Variants in PIGU observed in about 807,000 individuals in gnomAD.
The protein encoded by PIGU is GPI-anchor transamidase component PIGU.
Under a neutral mutation model 49.9 loss-of-function variants are expected in PIGU, and 24 were observed. The observed-to-expected ratio is 0.48, with a 90% CI of 0.35 to 0.68. The LOEUF (loss-of-function observed/expected upper bound fraction) is 0.68. Ranked by LOEUF, PIGU falls within the 30% of genes least tolerant of loss-of-function variation. The pLI, the probability that PIGU is intolerant of heterozygous loss-of-function variation, is 0.01. For synonymous variants in PIGU, 220 were observed against 205.7 expected (o/e 1.07, Z -0.59); for missense variants, 490 against 532.6 (o/e 0.92, Z 0.79).
At chr20:34,653,404 A>C (rs1433960872) in intron 2 of PIGU, among the ~76,000 whole-genome samples, 1 of 152,212 alleles carries the variant, frequency 6.6e-6, no homozygotes, top group Non-Finnish European at 1.5e-5. Context: ...CAGTCTTCAT[A>C]TATTTTGAAG....
chr20:34,592,078 A>C (rs1259718907), intron 7 of PIGU, among the ~76,000 whole-genome samples: 2 of 151,538 alleles, frequency 1.3e-5, no homozygotes, highest in Non-Finnish European at 2.9e-5. Context: ...AGTCCCAGCT[A>C]CTCGGGAGGC....
Position 34,581,691 on chromosome 20 carries a change from AAGAG to A in PIGU, c.927-23_927-20del, listed in dbSNP as rs11467128. The A allele has an allele frequency of 0.34, 554,253 of 1,606,940 alleles. 99,550 individuals carry two copies. The highest frequency in any genetic ancestry group is 0.63 in the Admixed American group (37,557 of 59,620). The stretch of plus-strand genomic sequence containing the variant: ...GTGCTCCCTGGGGCAGGGCAGGGGA[AAGAG>A]AGAGAGAGATGAGTCAGGGACCAGG... On this transcript the variant is annotated intron_variant, in intron 9 of 11. Transcript: ENST00000217446.
chr20:34,645,617 C>T (rs926760620), intron 2 of PIGU, among the ~76,000 whole-genome samples: 2 of 152,112 alleles, frequency 1.3e-5, no homozygotes, highest in African/African-American at 4.8e-5. Flanking sequence ...ACACACTGGC[C>T]AGGTGCGGTG....
intron 4 of PIGU, among the ~76,000 whole-genome samples, chr20:34,642,851 G>A (rs1056739965): frequency 5.4e-5 from 8 of 147,274 alleles, no homozygotes; most frequent in Admixed American, 4.9e-4. Flanking sequence ...TCCACCACCT[G>A]GGTTCAATTG....
intron 6 of PIGU, among the ~76,000 whole-genome samples, chr20:34,626,765 A>G (rs977666694): frequency 2.0e-5 from 3 of 152,148 alleles, no homozygotes; most frequent in African/African-American, 7.2e-5. Flanking sequence ...AAGCTTTCAA[A>G]AGTTTTTAAA....
At chr20:34,561,362 A>T (rs1486041601) in intron 11 of PIGU, among the ~76,000 whole-genome samples, 1 of 152,012 alleles carries the variant, frequency 6.6e-6, no homozygotes, top group African/African-American at 2.4e-5. Flanking sequence ...CCCACTCAGC[A>T]TCCATGCCCC....
At chr20:34,591,210 C>T (rs1036684879) in intron 7 of PIGU, among the ~76,000 whole-genome samples, 24 of 151,892 alleles carry the variant, frequency 1.6e-4, no homozygotes, top group African/African-American at 5.3e-4. Flanking sequence ...TGATAAAAGG[C>T]TCCATTCATT....
chr20:34,646,393 G>A (rs1986344304), intron 2 of PIGU, among the ~76,000 whole-genome samples: 1 of 152,072 alleles, frequency 6.6e-6, no homozygotes, highest in Non-Finnish European at 1.5e-5. Flanking sequence ...GGCTTTAGCT[G>A]TATCACACGA....
chr20:34,580,261 G>A (rs1983403703), intron 10 of PIGU, among the ~76,000 whole-genome samples: 1 of 152,250 alleles, frequency 6.6e-6, no homozygotes, highest in South Asian at 2.1e-4. Context: ...GGGGCCCCAA[G>A]CTGACTCTCA....
chr20:34,631,015 C>A (rs1985687168), intron 6 of PIGU, among the ~76,000 whole-genome samples: 1 of 150,990 alleles, frequency 6.6e-6, no homozygotes, highest in African/African-American at 2.4e-5. Context: ...AGAAATCCTC[C>A]CAAAACAAAC....
intron 7 of PIGU, among the ~76,000 whole-genome samples, chr20:34,589,566 T>G (rs1368811188): frequency 2.0e-5 from 3 of 151,574 alleles, no homozygotes; most frequent in Non-Finnish European, 4.4e-5. Flanking sequence ...TTGGCCAGGA[T>G]GGTCTCCATC....
At chr20:34,594,867 C>T (rs1176252165) in intron 7 of PIGU, among the ~76,000 whole-genome samples, 5 of 151,770 alleles carry the variant, frequency 3.3e-5, no homozygotes, top group East Asian at 1.9e-4. Context: ...CTGAGGCAAG[C>T]GGATCACGAG....
Position 34,633,902 on chromosome 20 carries a change from G to A in PIGU, c.529+713C>T, listed in dbSNP as rs192102685. On this transcript the variant is annotated intron_variant, in intron 6 of 11. Transcript: ENST00000217446. ...AAATCTTTATCACTGTCCATGATGGGAGTGCAACAAATAATGTCTAAAATT... is the reference window on the plus strand; with the variant it reads ...AAATCTTTATCACTGTCCATGATGGAAGTGCAACAAATAATGTCTAAAATT... Among the ~76,000 whole-genome samples, 506 of 152,164 alleles carry A rather than the reference G, an allele frequency of 3.3e-3. 4 individuals are homozygous for A. Among genetic ancestry groups the A allele is most frequent in the South Asian group, 0.011 (54 of 4,814 alleles).
chr20:34,577,176 G>A lies in PIGU; in HGVS notation c.1052-1930C>T, dbSNP rs1983270347. On this transcript the variant is annotated intron_variant, in intron 10 of 11. Transcript: ENST00000217446. ...AATTAAAAGAATACCTTTTTAAAAA[G>A]AACTTAGCACTGTGCCTGGTTCCCA... Among the ~76,000 whole-genome samples the A allele has an allele frequency of 1.3e-5, 2 of 152,122 alleles. 1 individual carries two copies. The highest frequency in any genetic ancestry group is 4.1e-4 in the South Asian group (2 of 4,826).
chr20:34,642,408 C>T lies in PIGU; in HGVS notation c.318+1756G>A, dbSNP rs6059960. Among the ~76,000 whole-genome samples, 626 of 151,884 alleles carry T rather than the reference C, an allele frequency of 4.1e-3. 14 individuals are homozygous for T. The highest frequency in any genetic ancestry group is 0.014 in the African/African-American group (565 of 41,410). On this transcript the variant is annotated intron_variant, in intron 4 of 11. Coordinates refer to ENST00000217446, the MANE Select transcript of PIGU (RefSeq NM_080476.5). ...AAAGAATTTTTTGTAGAGACAGGGT[C>T]CCACTATATTGCCCAGGCTGGTCTT...
Position 34,634,695 on chromosome 20 carries a change from G to GT in PIGU, c.448dup (p.Thr150AsnfsTer134). ...AGACTTGGCAACACAAGACAAAATCGTGTAAGGATTTAAGAGATAGCTGGG... is the reference window on the plus strand; with the variant it reads ...AGACTTGGCAACACAAGACAAAATCGTTGTAAGGATTTAAGAGATAGCTGGG... On this transcript the variant is annotated frameshift_variant, in exon 6 of 12. Coordinates refer to ENST00000217446, the MANE Select transcript of PIGU (RefSeq NM_080476.5). LOFTEE classifies it high-confidence loss of function. 6.2e-7 allele frequency: 1 copy of GT among 1,612,448 alleles called. No homozygotes were observed. Among genetic ancestry groups the GT allele is most frequent in the Non-Finnish European group, 8.5e-7 (1 of 1,178,828 alleles).
At chr20:34,668,596 C>A (rs1987193455) in intron 1 of PIGU, among the ~76,000 whole-genome samples, 1 of 150,432 alleles carries the variant, frequency 6.6e-6, no homozygotes, top group African/African-American at 2.4e-5. Flanking sequence ...GGTGAAATCC[C>A]ATCTCTACTA....
chr20:34,618,242 G>A (rs1464107299), intron 6 of PIGU, among the ~76,000 whole-genome samples: 1 of 151,996 alleles, frequency 6.6e-6, no homozygotes, highest in Admixed American at 6.6e-5. Context: ...CTTTGTTTTT[G>A]TCATTAGAAA....
intron 2 of PIGU, among the ~76,000 whole-genome samples, chr20:34,646,908 T>C (rs1986366297): frequency 6.6e-6 from 1 of 151,610 alleles, no homozygotes; most frequent in Non-Finnish European, 1.5e-5. Flanking sequence ...TGCAAGATCC[T>C]CCACCTCCAG....
Sources: gnomAD v4.1 joint callset for allele counts (sites outside exome capture counted in the v4.1 genomes callset) on GRCh38, gnomAD v4.1.1 for gene constraint, MANE v1.5 for transcripts, NCBI Gene and HGNC (gene_info 2026-07-23, HGNC 2026-07-21) for gene names.